RMST: variants seen among roughly 807,000 people sequenced by gnomAD.
The protein encoded by RMST is long intergenic non-protein coding RNA 54.
chr12:97,547,116 T>G (rs1400724885), intron 11 of RMST, among the ~76,000 whole-genome samples: 1 of 151,322 alleles, frequency 6.6e-6, no homozygotes, highest in African/African-American at 2.4e-5. Flanking sequence ...ATAGAAAGAT[T>G]GAACTGGAGG....
At chr12:97,475,495 A>T (rs1874430161) in intron 5 of RMST, among the ~76,000 whole-genome samples, 1 of 152,104 alleles carries the variant, frequency 6.6e-6, no homozygotes, top group Non-Finnish European at 1.5e-5. Flanking sequence ...ACCATGGACC[A>T]ATTGCTTAGT....
chr12:97,549,214 T>C (rs75852284), intron 11 of RMST, among the ~76,000 whole-genome samples: 1 of 152,306 alleles, frequency 6.6e-6, no homozygotes, highest in East Asian at 1.9e-4. Context: ...AAGTCCTTTA[T>C]AGTTTTCAGA....
At chr12:97,510,923 G>C (rs76161899) in intron 10 of RMST, among the ~76,000 whole-genome samples, 107 of 152,050 alleles carry the variant, frequency 7.0e-4, no homozygotes, top group African/African-American at 2.3e-3. Context: ...TATTCACATG[G>C]AGTCCATAAT....
At chr12:97,547,143 C>T (rs981488675) in intron 11 of RMST, among the ~76,000 whole-genome samples, 1 of 150,568 alleles carries the variant, frequency 6.6e-6, no homozygotes, top group African/African-American at 2.4e-5. Context: ...GGAGGATGAC[C>T]TCCAGTTCAA....
chr12:97,511,137 A>T (rs1456453079), intron 10 of RMST, among the ~76,000 whole-genome samples: 1 of 150,694 alleles, frequency 6.6e-6, no homozygotes, highest in Non-Finnish European at 1.5e-5. Flanking sequence ...TCTCTGGGAA[A>T]TTGTACTTCC....
intron 11 of RMST, among the ~76,000 whole-genome samples, chr12:97,534,366 T>C (rs1031958622): frequency 6.6e-6 from 1 of 151,820 alleles, no homozygotes; most frequent in Non-Finnish European, 1.5e-5. Context: ...TAATTTAGAT[T>C]AATCTTATTT....
chr12:97,475,336 A>G (rs916356598), intron 5 of RMST, among the ~76,000 whole-genome samples: 3 of 152,146 alleles, frequency 2.0e-5, no homozygotes, highest in Non-Finnish European at 4.4e-5. Context: ...ACAGGCATCT[A>G]TGTCTGATGG....
At chr12:97,493,466 A>G (rs1338714074) in intron 7 of RMST, among the ~76,000 whole-genome samples, 2 of 152,180 alleles carry the variant, frequency 1.3e-5, no homozygotes, top group Non-Finnish European at 2.9e-5. Flanking sequence ...CATTTCTCTT[A>G]TTTATTTTCT....
chr12:97,523,487 T>C (rs1375716087), intron 10 of RMST, among the ~76,000 whole-genome samples: 1 of 152,188 alleles, frequency 6.6e-6, no homozygotes, highest in Non-Finnish European at 1.5e-5. Context: ...TGTTCTCACC[T>C]CAAAGAAATG....
In RMST at chr12:97,524,075, CAAAAAAAA is replaced by C. The variant is rs537840796; in HGVS notation, n.1341-6559_1341-6552del. On this transcript the variant is annotated intron_variant and non_coding_transcript_variant, in intron 10 of 13. Transcript: ENST00000640149. ...TGGGCAACAGAGTGAGACTCTGTCTCAAAAAAAAAAAAAAAAAAAAAAAAAAAATCACA... is the reference window on the plus strand; with the variant it reads ...TGGGCAACAGAGTGAGACTCTGTCTCAAAAAAAAAAAAAAAAAAAATCACA... Among the ~76,000 whole-genome samples the C allele has an allele frequency of 6.6e-4, 37 of 56,130 alleles. 1 individual carries two copies. Among genetic ancestry groups the C allele is most frequent in the East Asian group, 6.2e-3 (13 of 2,106 alleles). 36.8% of individuals were successfully genotyped at this position (56,130 alleles called of 152,430 possible).
Position 97,554,245 on chromosome 12 carries a change from C to T in RMST, n.1546-6292C>T, listed in dbSNP as rs117596003. On this transcript the variant is annotated intron_variant and non_coding_transcript_variant, in intron 11 of 13. Coordinates refer to ENST00000640149, the Ensembl canonical transcript of RMST. ...CTGGGATTACAGGCACGAGCTACCG[C>T]GCCCAGCCAATGGTGACTATTTCTA... is the stretch of plus-strand genomic sequence containing the variant. Among the ~76,000 whole-genome samples the T allele has an allele frequency of 2.1e-3, 313 of 152,164 alleles. 1 individual carries two copies. Among genetic ancestry groups the T allele is most frequent in the Middle Eastern group, 0.01 (3 of 294 alleles).
intron 13 of RMST, chr12:97,563,924 G>C (rs373390757): frequency 2.6e-4 from 130 of 499,568 alleles, no homozygotes; most frequent in Non-Finnish European, 4.6e-4. Context: ...AACTAAGAAG[G>C]GGCCATCAGT....
chr12:97,502,667 G>A (rs1019092368), intron 10 of RMST, among the ~76,000 whole-genome samples: 1 of 151,810 alleles, frequency 6.6e-6, no homozygotes, highest in Non-Finnish European at 1.5e-5. Context: ...GTCTCACTAA[G>A]TGCCTAGGTT....
chr12:97,560,043 G>T (rs971754299), intron 11 of RMST, among the ~76,000 whole-genome samples: 2 of 151,972 alleles, frequency 1.3e-5, no homozygotes, highest in African/African-American at 4.8e-5. Context: ...TTTATTTATG[G>T]TTTCAGCATT....
intron 5 of RMST, among the ~76,000 whole-genome samples, chr12:97,485,787 G>A (rs532049572): frequency 1.3e-4 from 20 of 152,324 alleles, no homozygotes; most frequent in African/African-American, 3.6e-4. Context: ...CCATCAAGGC[G>A]CAGCCATCTT....
At chr12:97,480,964 A>G (rs1593142948) in intron 5 of RMST, among the ~76,000 whole-genome samples, 1 of 152,136 alleles carries the variant, frequency 6.6e-6, no homozygotes, top group Non-Finnish European at 1.5e-5. Context: ...TAATTATATC[A>G]GTATCCAATT....
At chr12:97,538,867 T>G (rs1296486918) in intron 11 of RMST, among the ~76,000 whole-genome samples, 1 of 151,372 alleles carries the variant, frequency 6.6e-6, no homozygotes, top group Non-Finnish European at 1.5e-5. Flanking sequence ...AATAAAAAAT[T>G]TGTGAAAATG....
chr12:97,479,871 C>A (rs1016623861), intron 5 of RMST, among the ~76,000 whole-genome samples: 1 of 152,134 alleles, frequency 6.6e-6, no homozygotes, highest in Non-Finnish European at 1.5e-5. Context: ...AACAGGCACC[C>A]TCCAACCTAA....
At chr12:97,477,101 A>T (rs1874639161) in intron 5 of RMST, among the ~76,000 whole-genome samples, 1 of 152,182 alleles carries the variant, frequency 6.6e-6, no homozygotes, top group South Asian at 2.1e-4. Flanking sequence ...TGGTTAGATG[A>T]TGAGGGTACG....
Sources: allele counts gnomAD v4.1 joint callset (sites outside exome capture counted in the v4.1 genomes callset), GRCh38; gene constraint gnomAD v4.1.1; transcripts MANE v1.5; gene names NCBI Gene and HGNC (gene_info 2026-07-23, HGNC 2026-07-21).